Variants in LRRC4C observed in about 807,000 individuals in gnomAD.
The protein encoded by LRRC4C is leucine-rich repeat-containing protein 4C.
In LRRC4C, 5 loss-of-function variants were observed where a neutral mutation model predicts 33.6. The observed-to-expected ratio is 0.15, with a 90% CI of 0.08 to 0.31. The LOEUF (loss-of-function observed/expected upper bound fraction) is 0.31. LRRC4C is among the 10% of genes least tolerant of loss of function. The probability of loss-of-function intolerance (pLI) is 1.00; values close to 1 mark genes in which losing one functional copy is unlikely to be tolerated. For synonymous variants in LRRC4C, 329 were observed against 302.0 expected (o/e 1.09, Z -0.93); for missense variants, 560 against 796.7 (o/e 0.70, Z 3.58).
chr11:40,952,694 C>A (rs1421409598), intron 1 of LRRC4C, among the ~76,000 whole-genome samples: 3 of 151,890 alleles, frequency 2.0e-5, no homozygotes, highest in Admixed American at 1.3e-4. Context: ...GCCCATGATT[C>A]CAATCCAAGT....
At chr11:40,659,332 G>A (rs1223388080) in intron 2 of LRRC4C, among the ~76,000 whole-genome samples, 4 of 152,176 alleles carry the variant, frequency 2.6e-5, no homozygotes, top group Non-Finnish European at 4.4e-5. Flanking sequence ...GGCTGTGGAT[G>A]GCATGTTGAT....
At chr11:41,171,409 A>C (rs1233602461) in intron 1 of LRRC4C, among the ~76,000 whole-genome samples, 4 of 152,180 alleles carry the variant, frequency 2.6e-5, no homozygotes, top group Admixed American at 2.6e-4. Context: ...ACACCATGGA[A>C]TACTATGCAG....
intron 1 of LRRC4C, among the ~76,000 whole-genome samples, chr11:41,020,675 G>C (rs1855896588): frequency 6.6e-6 from 1 of 152,116 alleles, no homozygotes; most frequent in Non-Finnish European, 1.5e-5. Context: ...AAATGTGAGA[G>C]AACAAATTTC....
At chr11:40,864,162 G>A (rs1461046548) in intron 2 of LRRC4C, among the ~76,000 whole-genome samples, 9 of 151,944 alleles carry the variant, frequency 5.9e-5, no homozygotes, top group African/African-American at 1.5e-4. Flanking sequence ...TCCACCTCCC[G>A]GGCTCAAGTG....
intron 2 of LRRC4C, among the ~76,000 whole-genome samples, chr11:40,824,350 A>G (rs1350122847): frequency 1.3e-5 from 2 of 151,962 alleles, no homozygotes; most frequent in African/African-American, 2.4e-5. Flanking sequence ...AAAAATTTTA[A>G]AAGTAGATTA....
At chr11:40,392,027 G>A (rs1949357165) in intron 3 of LRRC4C, among the ~76,000 whole-genome samples, 1 of 152,152 alleles carries the variant, frequency 6.6e-6, no homozygotes, top group Non-Finnish European at 1.5e-5. Flanking sequence ...ATATTGCTAA[G>A]TAGAGGAAGC....
intron 1 of LRRC4C, among the ~76,000 whole-genome samples, chr11:41,006,337 G>A (rs1854751729): frequency 6.6e-6 from 1 of 152,166 alleles, no homozygotes; most frequent in Non-Finnish European, 1.5e-5. Flanking sequence ...TAGTTAGTAA[G>A]ATAATTTGAG....
At chr11:40,896,114 C>G (rs1040371386) in intron 2 of LRRC4C, among the ~76,000 whole-genome samples, 1 of 152,146 alleles carries the variant, frequency 6.6e-6, no homozygotes, top group Non-Finnish European at 1.5e-5. Context: ...GTTTCCTTCA[C>G]CTCTATTCAC....
chr11:41,261,174 C>G (rs12285627), intron 1 of LRRC4C, among the ~76,000 whole-genome samples: 1 of 151,890 alleles, frequency 6.6e-6, no homozygotes, highest in Non-Finnish European at 1.5e-5. Context: ...TTTTGACAAC[C>G]CTTACCCTTC....
chr11:40,126,677 G>A (rs1408181422), intron 6 of LRRC4C, among the ~76,000 whole-genome samples: 1 of 152,052 alleles, frequency 6.6e-6, no homozygotes, highest in Admixed American at 6.6e-5. Context: ...AAGAGAATTT[G>A]GGGACGGGCG....
chr11:41,083,897 G>T (rs1939764335), intron 1 of LRRC4C, among the ~76,000 whole-genome samples: 1 of 152,164 alleles, frequency 6.6e-6, no homozygotes, highest in Admixed American at 6.5e-5. Context: ...TAGAGAATAT[G>T]TAAGACTTCA....
chr11:41,230,905 A>C (rs1947758208), intron 1 of LRRC4C, among the ~76,000 whole-genome samples: 1 of 110,538 alleles, frequency 9.0e-6, no homozygotes, highest in South Asian at 4.2e-4. Flanking sequence ...AAACAAATTT[A>C]CAAAAAAAAA....
chr11:40,604,435 T>A (rs1960350704), intron 3 of LRRC4C, among the ~76,000 whole-genome samples: 1 of 152,094 alleles, frequency 6.6e-6, no homozygotes, highest in East Asian at 1.9e-4. Flanking sequence ...AAGTAGAAAT[T>A]ATTGAGCTTG....
intron 5 of LRRC4C, among the ~76,000 whole-genome samples, chr11:40,182,373 A>G (rs965647832): frequency 1.2e-4 from 18 of 152,328 alleles, no homozygotes; most frequent in Admixed American, 3.9e-4. Flanking sequence ...ACAAACAAGT[A>G]TAACTTCTGG....
At chr11:41,391,011 G>C (rs2137998218) in intron 1 of LRRC4C, among the ~76,000 whole-genome samples, 1 of 149,512 alleles carries the variant, frequency 6.7e-6, no homozygotes, top group Admixed American at 6.7e-5. Context: ...GTCCTGCCTT[G>C]GGCCATATAA....
intron 1 of LRRC4C, among the ~76,000 whole-genome samples, chr11:41,188,705 CAAA>C (rs10559968): frequency 3.7e-4 from 41 of 111,084 alleles, no homozygotes; most frequent in Admixed American, 4.8e-4. Context: ...GAAAAAGAAG[CAAA>C]AAAAAAAAAA....
intron 1 of LRRC4C, among the ~76,000 whole-genome samples, chr11:41,196,089 T>A (rs1946167248): frequency 1.3e-5 from 2 of 152,096 alleles, no homozygotes; most frequent in African/African-American, 2.4e-5. Flanking sequence ...TCTCTGTAGT[T>A]AATTCCATGA....
At chr11:40,953,309 C>T (rs1366630440) in intron 1 of LRRC4C, among the ~76,000 whole-genome samples, 1 of 151,816 alleles carries the variant, frequency 6.6e-6, no homozygotes, top group African/African-American at 2.4e-5. Flanking sequence ...AATTTATTAT[C>T]AAGGTTTTTC....
chr11:40,541,001 A>G (rs561797160), intron 3 of LRRC4C, among the ~76,000 whole-genome samples: 4 of 152,310 alleles, frequency 2.6e-5, no homozygotes, highest in African/African-American at 7.2e-5. Context: ...AAGCACCTAT[A>G]GGGAAATCAA....
Sources: allele counts gnomAD v4.1 joint callset (sites outside exome capture counted in the v4.1 genomes callset), GRCh38; gene constraint gnomAD v4.1.1; transcripts MANE v1.5; gene names NCBI Gene and HGNC (gene_info 2026-07-23, HGNC 2026-07-21).